The following SAMTOR variants were observed in gnomAD, a reference collection of about 807,000 sequenced individuals.
SAMTOR encodes S-adenosylmethionine sensor upstream of mTORC1, also known as UPF0532 protein C7orf60.
the SAMTOR span, chr7:112,935,230 G>C: frequency 1.1e-5 from 5 of 447,140 alleles, no homozygotes; most frequent in Non-Finnish European, 2.2e-5. Context: ...TCTTGGACTT[G>C]GTCAAAATTT....
chr7:112,939,596 C>A, the SAMTOR span: 1 of 1,614,064 alleles, frequency 6.2e-7, no homozygotes. Context: ...TTTACCTTCT[C>A]GGTACTTCTT....
At chr7:112,864,556 G>A in the SAMTOR span, among the ~76,000 whole-genome samples, 1 of 152,090 alleles carries the variant, frequency 6.6e-6, no homozygotes, top group African/African-American at 2.4e-5. Flanking sequence ...AACAAATACT[G>A]CTTAAAGGCT....
At chr7:112,934,347 C>G in the SAMTOR span, among the ~76,000 whole-genome samples, 1 of 152,336 alleles carries the variant, frequency 6.6e-6, no homozygotes, top group East Asian at 1.9e-4. Flanking sequence ...AGATTGCAAA[C>G]TAAATCATTA....
At chr7:112,871,359 C>G in the SAMTOR span, among the ~76,000 whole-genome samples, 35 of 152,258 alleles carry the variant, frequency 2.3e-4, 2 homozygotes, top group African/African-American at 7.9e-4. Flanking sequence ...AAATCAATAT[C>G]AAGAGGAACT....
the SAMTOR span, among the ~76,000 whole-genome samples, chr7:112,850,784 T>C: frequency 6.6e-6 from 1 of 152,224 alleles, no homozygotes; most frequent in Non-Finnish European, 1.5e-5. Context: ...CTGTTGCTTA[T>C]GTGAATCACC....
At chr7:112,921,087 A>G in the SAMTOR span, among the ~76,000 whole-genome samples, 1 of 152,290 alleles carries the variant, frequency 6.6e-6, no homozygotes, top group South Asian at 2.1e-4. Context: ...ACAGAATTGG[A>G]AAAAACTACT....
chr7:112,930,944 T>A, the SAMTOR span, among the ~76,000 whole-genome samples: 3 of 152,190 alleles, frequency 2.0e-5, no homozygotes, highest in African/African-American at 4.8e-5. Flanking sequence ...TGAACTTTCA[T>A]GGATATGAGC....
At chr7:112,937,240 A>G in the SAMTOR span, among the ~76,000 whole-genome samples, 1 of 152,172 alleles carries the variant, frequency 6.6e-6, no homozygotes, top group Admixed American at 6.5e-5. Context: ...GGTTCCTTCT[A>G]GTCTAAAACT....
chr7:112,922,477 C>T, the SAMTOR span, among the ~76,000 whole-genome samples: 5 of 151,940 alleles, frequency 3.3e-5, no homozygotes, highest in African/African-American at 1.2e-4. Flanking sequence ...TGAGGAGCGT[C>T]TCTGCCCGGC....
the SAMTOR span, among the ~76,000 whole-genome samples, chr7:112,873,956 T>C: frequency 6.6e-6 from 1 of 152,084 alleles, no homozygotes; most frequent in African/African-American, 2.4e-5. Flanking sequence ...AAAAAAATGT[T>C]CCACGTCACT....
At chr7:112,922,718 G>A in the SAMTOR span, among the ~76,000 whole-genome samples, 21 of 150,208 alleles carry the variant, frequency 1.4e-4, no homozygotes, top group Non-Finnish European at 2.1e-4. Flanking sequence ...CCCTCCGCCC[G>A]GCAGCCGCCC....
At chr7:112,926,155 A>T in the SAMTOR span, among the ~76,000 whole-genome samples, 1 of 152,104 alleles carries the variant, frequency 6.6e-6, no homozygotes, top group Non-Finnish European at 1.5e-5. Context: ...AAAAAGCAGC[A>T]CTCATTTAAA....
At chr7:112,915,688 A>C in the SAMTOR span, among the ~76,000 whole-genome samples, 1 of 152,228 alleles carries the variant, frequency 6.6e-6, no homozygotes, top group African/African-American at 2.4e-5. Context: ...GCATCATTTT[A>C]ATTATTTTTA....
chr7:112,819,642 T>TAAAG, the SAMTOR span: 3 of 152,560 alleles, frequency 2.0e-5, no homozygotes, highest in Admixed American at 2.0e-4. Context: ...GTAGGTTTTA[T>TAAAG]AAAGAGACTT....
At chr7:112,867,373 T>C in the SAMTOR span, among the ~76,000 whole-genome samples, 3 of 152,222 alleles carry the variant, frequency 2.0e-5, no homozygotes, top group Admixed American at 1.3e-4. Flanking sequence ...ATATTGTTAC[T>C]AATTCTGTTC....
chr7:112,902,427 AAC>A, the SAMTOR span, among the ~76,000 whole-genome samples: 17,178 of 93,276 alleles, frequency 0.18, 3,427 homozygotes, highest in Middle Eastern at 0.36. Flanking sequence ...AAAAAAAAAA[AAC>A]AAAAAAAAAC....
chr7:112,841,898 C>A, the SAMTOR span, among the ~76,000 whole-genome samples: 1 of 152,034 alleles, frequency 6.6e-6, no homozygotes, highest in African/African-American at 2.4e-5. Flanking sequence ...AAACTGGACA[C>A]CTTCCTTACA....
chr7:112,881,216 A>T, the SAMTOR span, among the ~76,000 whole-genome samples: 1 of 152,152 alleles, frequency 6.6e-6, no homozygotes, highest in Non-Finnish European at 1.5e-5. Flanking sequence ...GGCCCCCTCC[A>T]GACTTTGGGC....
chr7:112,917,065 T>C, the SAMTOR span, among the ~76,000 whole-genome samples: 2 of 152,186 alleles, frequency 1.3e-5, no homozygotes, highest in African/African-American at 4.8e-5. Flanking sequence ...CAGACTTAAA[T>C]GTCCCTGTCT....
Sources: gnomAD v4.1 joint callset for allele counts (sites outside exome capture counted in the v4.1 genomes callset) on GRCh38, gnomAD v4.1.1 for gene constraint, MANE v1.5 for transcripts, NCBI Gene and HGNC (gene_info 2026-07-23, HGNC 2026-07-21) for gene names.